Variants in CLASP2 observed in about 807,000 individuals in gnomAD.
CLASP2 encodes cytoplasmic linker associated protein 2, also known as CLIP-associating protein 2.
CLASP2 carries 47 observed loss-of-function variants against 194.4 expected under a neutral mutation model. The observed-to-expected ratio is 0.24, with a 90% confidence interval of 0.19 to 0.31. The LOEUF is 0.31. CLASP2 is among the 10% of genes least tolerant of loss of function. The pLI, the probability that CLASP2 is intolerant of heterozygous loss-of-function variation, is 1.00. For synonymous variants in CLASP2, 619 were observed against 633.5 expected, an observed-to-expected ratio of 0.98 and a Z score of 0.34; for missense variants, 1,445 against 1,823.6, an observed-to-expected ratio of 0.79 and a Z score of 3.78.
intron 3 of CLASP2, among the ~76,000 whole-genome samples, chr3:33,689,253 C>A (rs2091068621): frequency 6.6e-6 from 1 of 151,510 alleles, no homozygotes; most frequent in Non-Finnish European, 1.5e-5. Flanking sequence ...ATATAAATAC[C>A]TATATTTATG....
At chr3:33,685,027 A>AAATAAT (rs576059400) in intron 5 of CLASP2, among the ~76,000 whole-genome samples, 2 of 138,246 alleles carry the variant, frequency 1.4e-5, no homozygotes, top group African/African-American at 5.4e-5. Context: ...ATAAATAAAT[A>AAATAAT]AATAATAATA....
chr3:33,519,501 AG>A (rs1353660182), intron 34 of CLASP2, among the ~76,000 whole-genome samples: 1 of 152,184 alleles, frequency 6.6e-6, no homozygotes, highest in African/African-American at 2.4e-5. Context: ...AAAAAGGAGG[AG>A]AAAGTGCATG....
intron 6 of CLASP2, among the ~76,000 whole-genome samples, chr3:33,680,819 A>C (rs999350924): frequency 6.6e-6 from 1 of 151,732 alleles, no homozygotes; most frequent in Non-Finnish European, 1.5e-5. Flanking sequence ...AAAAAAATTA[A>C]ATTAAAATCT....
At chr3:33,608,341 A>G (rs1006927204) in intron 14 of CLASP2, among the ~76,000 whole-genome samples, 10 of 152,208 alleles carry the variant, frequency 6.6e-5, no homozygotes, top group African/African-American at 2.4e-4. Context: ...TATATAACCC[A>G]TTCTATTTGA....
rs2065129399 is a variant in CLASP2, at chr3:33,577,384, C to CA, written c.2348-1110dup. 10 of 718,490 alleles carry CA rather than the reference C, an allele frequency of 1.4e-5. No homozygotes were observed. In the South Asian group the frequency reaches 2.0e-4, roughly 14 times the overall value. 44.5% of individuals were successfully genotyped at this position (718,490 alleles called of 1,614,324 possible). A position where few individuals can be genotyped will look rare whatever the true frequency, so the allele number is the denominator to read the frequency against. On this transcript the variant is annotated intron_variant, in intron 23 of 38. Transcript: ENST00000682230. ...GGTGTTATTCTTTATAGTTAATGATCAGAGTATTGCCAAATAGGGCAATGG... is the reference window on the plus strand; with the variant it reads ...GGTGTTATTCTTTATAGTTAATGATCAAGAGTATTGCCAAATAGGGCAATGG...
chr3:33,593,656 C>A (rs1380349767), intron 20 of CLASP2, among the ~76,000 whole-genome samples: 2 of 152,046 alleles, frequency 1.3e-5, no homozygotes, highest in African/African-American at 4.8e-5. Context: ...GGCCTCTCAC[C>A]CTTTTACAGT....
intron 8 of CLASP2, among the ~76,000 whole-genome samples, chr3:33,636,108 G>A (rs776507603): frequency 3.9e-5 from 6 of 152,044 alleles, no homozygotes; most frequent in Non-Finnish European, 8.8e-5. Flanking sequence ...TTTGAATCCT[G>A]GTGGATAAAG....
At chr3:33,507,228 C>A (rs1045554607) in intron 37 of CLASP2, among the ~76,000 whole-genome samples, 1 of 152,060 alleles carries the variant, frequency 6.6e-6, no homozygotes, top group Admixed American at 6.5e-5. Flanking sequence ...TGAGCCACCA[C>A]ACCCAGCCAA....
intron 2 of CLASP2, among the ~76,000 whole-genome samples, chr3:33,691,153 G>A (rs190951424): frequency 6.0e-4 from 91 of 152,170 alleles, no homozygotes; most frequent in Admixed American, 1.4e-3. Flanking sequence ...TTGGACTATC[G>A]GAGGCTTCAG....
intron 3 of CLASP2, 187 bp downstream of exon 3, chr3:33,689,642 G>C (rs527802440): frequency 2.3e-5 from 10 of 438,444 alleles, no homozygotes; most frequent in African/African-American, 4.1e-5. Flanking sequence ...AGCATTAAGA[G>C]TACAAAATAA....
chr3:33,584,354 A>G (rs1238243301), intron 22 of CLASP2, among the ~76,000 whole-genome samples: 1 of 145,958 alleles, frequency 6.9e-6, no homozygotes, highest in Non-Finnish European at 1.5e-5. Context: ...GGCTCACTGC[A>G]GCCTCCACCC....
At chr3:33,565,140 T>G (rs2062464336) in intron 27 of CLASP2, among the ~76,000 whole-genome samples, 1 of 152,134 alleles carries the variant, frequency 6.6e-6, no homozygotes, top group South Asian at 2.1e-4. Flanking sequence ...ACCTAACAAT[T>G]AGTAAGTAAA....
At chr3:33,534,903 G>T (rs1482056849) in intron 34 of CLASP2, among the ~76,000 whole-genome samples, 1 of 152,134 alleles carries the variant, frequency 6.6e-6, no homozygotes, top group African/African-American at 2.4e-5. Context: ...CAAAGGTTTT[G>T]TCATCGTGGT....
At chr3:33,534,949 G>C (rs761676831) in intron 34 of CLASP2, among the ~76,000 whole-genome samples, 1 of 152,052 alleles carries the variant, frequency 6.6e-6, no homozygotes, top group Non-Finnish European at 1.5e-5. Flanking sequence ...GTGTCTAGAG[G>C]TAAAGTAAAT....
Position 33,610,055 on chromosome 3 carries a change from G to A in CLASP2, c.1389-1429C>T, listed in dbSNP as rs143263110. Among the ~76,000 whole-genome samples, 9 of 152,258 alleles carry A rather than the reference G, an allele frequency of 5.9e-5. No individual in the cohort carries two copies. In the East Asian group the frequency reaches 1.7e-3, roughly 29 times the overall value. On this transcript the variant is annotated intron_variant, in intron 13 of 38. Coordinates refer to ENST00000682230, the MANE Select transcript of CLASP2 (RefSeq NM_001365631.1). ...TACACATGAAATACGTTTTGAACTT[G>A]TTAATTAAATAAAACCTTCAATCAA...
intron 38 of CLASP2, among the ~76,000 whole-genome samples, chr3:33,501,138 G>C (rs2046759582): frequency 6.6e-6 from 1 of 152,130 alleles, no homozygotes; most frequent in Admixed American, 6.6e-5. Context: ...CAATGAATTA[G>C]AAAACTTTTA....
In CLASP2 at chr3:33,590,280, A is replaced by G. The variant is rs890572293; in HGVS notation, c.2068+2115T>C. On this transcript the variant is annotated intron_variant, in intron 21 of 38. Coordinates refer to ENST00000682230, the MANE Select transcript of CLASP2 (RefSeq NM_001365631.1). Reference sequence around the variant, plus strand: ...TATAGAAGTGCAGTAACTTCAAATAACCTCAAAGAGCCAGTATTCAAACCT... The same window carrying G: ...TATAGAAGTGCAGTAACTTCAAATAGCCTCAAAGAGCCAGTATTCAAACCT... 2.0e-5 allele frequency among the ~76,000 whole-genome samples: 3 copies of G among 152,222 alleles called. No homozygotes were observed. In the East Asian group the frequency reaches 5.8e-4, roughly 29 times the overall value.
chr3:33,501,982 A>C, intron 37 of CLASP2: 1 of 443,634 alleles, frequency 2.3e-6, no homozygotes, highest in Non-Finnish European at 4.0e-6. Flanking sequence ...TTAGCCCTCT[A>C]TATCAGGTTC....
chr3:33,622,063 T>C, intron 11 of CLASP2, 72 bp downstream of exon 11: 1 of 1,176,518 alleles, frequency 8.5e-7, no homozygotes, highest in Non-Finnish European at 1.1e-6. Context: ...ACTGCTTGAC[T>C]TAATGAGCAA....
Sources: gnomAD v4.1 joint callset for allele counts (sites outside exome capture counted in the v4.1 genomes callset) on GRCh38, gnomAD v4.1.1 for gene constraint, MANE v1.5 for transcripts, NCBI Gene and HGNC (gene_info 2026-07-23, HGNC 2026-07-21) for gene names.